POU6F2: variants seen among roughly 807,000 people sequenced by gnomAD.
POU6F2 encodes POU domain, class 6, transcription factor 2.
POU6F2 carries 31 observed loss-of-function variants against 71.3 expected under a neutral mutation model. The ratio of observed to expected loss-of-function variants is 0.43; its 90% confidence interval spans 0.33 to 0.59. POU6F2 has a LOEUF of 0.59. POU6F2 is among the 20% of genes least tolerant of loss of function. The pLI, the probability that POU6F2 is intolerant of heterozygous loss-of-function variation, is 0.04. For synonymous variants in POU6F2, 347 were observed against 355.7 expected (o/e 0.98, Z 0.27); for missense variants, 783 against 856.8 (o/e 0.91, Z 1.07).
intron 4 of POU6F2, among the ~76,000 whole-genome samples, chr7:39,294,854 C>G (rs1287734401): frequency 6.6e-6 from 1 of 152,120 alleles, no homozygotes; most frequent in Non-Finnish European, 1.5e-5. Flanking sequence ...GGGAAGACCT[C>G]TTATGGGATG....
At chr7:39,147,716 A>G (rs1181084832) in intron 2 of POU6F2, among the ~76,000 whole-genome samples, 1 of 152,198 alleles carries the variant, frequency 6.6e-6, no homozygotes. Flanking sequence ...GGAACATGGG[A>G]TGCTCTGGAA....
chr7:39,304,494 T>G (rs1785014341), intron 4 of POU6F2, among the ~76,000 whole-genome samples: 1 of 152,052 alleles, frequency 6.6e-6, no homozygotes, highest in South Asian at 2.1e-4. Context: ...TCCAAAATCC[T>G]GACCCCAAAT....
intron 4 of POU6F2, among the ~76,000 whole-genome samples, chr7:39,311,407 T>A (rs1360198245): frequency 6.6e-6 from 1 of 152,196 alleles, no homozygotes; most frequent in Non-Finnish European, 1.5e-5. Context: ...ATCACCTTTT[T>A]ACACATTATA....
intron 2 of POU6F2, among the ~76,000 whole-genome samples, chr7:39,179,322 G>A (rs1272575247): frequency 6.6e-6 from 1 of 152,202 alleles, no homozygotes; most frequent in Non-Finnish European, 1.5e-5. Context: ...TAGTGGCTTA[G>A]GCAAAGTTAC....
chr7:39,228,544 C>T (rs912243187), intron 4 of POU6F2, among the ~76,000 whole-genome samples: 4 of 152,190 alleles, frequency 2.6e-5, no homozygotes, highest in Admixed American at 1.3e-4. Context: ...GAAAAGGTCA[C>T]GGATCTGTCA....
At chr7:39,388,149 C>T (rs78168088) in intron 5 of POU6F2, among the ~76,000 whole-genome samples, 2,914 of 152,104 alleles carry the variant, frequency 0.019, 80 homozygotes, top group East Asian at 0.11. Context: ...TTTTCATGGC[C>T]CAGTGTTTCA....
intron 2 of POU6F2, among the ~76,000 whole-genome samples, chr7:39,110,459 A>G (rs912080626): frequency 6.6e-6 from 1 of 152,016 alleles, no homozygotes; most frequent in Non-Finnish European, 1.5e-5. Flanking sequence ...ATGATGTGCT[A>G]TTATATGTCT....
At chr7:39,189,549 C>G (rs943568753) in intron 2 of POU6F2, among the ~76,000 whole-genome samples, 1 of 152,016 alleles carries the variant, frequency 6.6e-6, no homozygotes, top group African/African-American at 2.4e-5. Context: ...CAGGCACGTG[C>G]CACCACGCCC....
intron 2 of POU6F2, among the ~76,000 whole-genome samples, chr7:39,146,343 G>A (rs1444664956): frequency 6.6e-6 from 1 of 152,186 alleles, no homozygotes; most frequent in Non-Finnish European, 1.5e-5. Context: ...CTGAGGGCAG[G>A]AAGGCAGAGG....
chr7:39,239,888 C>A (rs1783690880), intron 4 of POU6F2, among the ~76,000 whole-genome samples: 1 of 152,056 alleles, frequency 6.6e-6, no homozygotes, highest in African/African-American at 2.4e-5. Flanking sequence ...AAAACTGTGG[C>A]TTCATAAAGG....
chr7:39,139,211 T>C (rs1470824819), intron 2 of POU6F2, among the ~76,000 whole-genome samples: 1 of 152,184 alleles, frequency 6.6e-6, no homozygotes, highest in Non-Finnish European at 1.5e-5. Context: ...CTGATAGAAA[T>C]GTAATAGTTT....
intron 2 of POU6F2, among the ~76,000 whole-genome samples, chr7:39,138,817 G>A (rs751215653): frequency 6.6e-6 from 1 of 152,064 alleles, no homozygotes; most frequent in African/African-American, 2.4e-5. Context: ...CTGGTCCCTG[G>A]GATTGCTGAT....
At chr7:39,073,094 C>G (rs1023521276) in intron 1 of POU6F2, among the ~76,000 whole-genome samples, 4 of 152,100 alleles carry the variant, frequency 2.6e-5, no homozygotes, top group African/African-American at 9.7e-5. Flanking sequence ...TAGCACAACA[C>G]CTGGTACTGA....
chr7:39,313,920 G>A (rs914835739), intron 4 of POU6F2, among the ~76,000 whole-genome samples: 4 of 152,144 alleles, frequency 2.6e-5, no homozygotes, highest in South Asian at 2.1e-4. Flanking sequence ...AAAAGATGCC[G>A]GATGTTTGCT....
chr7:39,342,963 AC>A (rs1300754913), intron 5 of POU6F2, among the ~76,000 whole-genome samples: 1 of 152,182 alleles, frequency 6.6e-6, no homozygotes, highest in East Asian at 1.9e-4. Flanking sequence ...AATTTTGATC[AC>A]TCAGCATTAT....
At chr7:39,158,791 T>A (rs146148919) in intron 2 of POU6F2, among the ~76,000 whole-genome samples, 193 of 152,300 alleles carry the variant, frequency 1.3e-3, no homozygotes, top group African/African-American at 4.5e-3. Context: ...CCGTCTTTTC[T>A]GGAAACACCC....
chr7:39,097,904 T>C (rs1022371259), intron 2 of POU6F2, among the ~76,000 whole-genome samples: 2 of 152,238 alleles, frequency 1.3e-5, no homozygotes, highest in Non-Finnish European at 2.9e-5. Flanking sequence ...TTCGAAACCA[T>C]ACTTTTCAAG....
chr7:39,133,994 C>T (rs928112573), intron 2 of POU6F2, among the ~76,000 whole-genome samples: 2 of 152,136 alleles, frequency 1.3e-5, no homozygotes, highest in African/African-American at 4.8e-5. Context: ...CCCACCTCAG[C>T]CTCCTGAGTA....
At chr7:39,251,763 A>C (rs1230472843) in intron 4 of POU6F2, among the ~76,000 whole-genome samples, 1 of 152,270 alleles carries the variant, frequency 6.6e-6, no homozygotes, top group Non-Finnish European at 1.5e-5. Context: ...TTGGACATGC[A>C]CTAAGATTAC....
Sources: allele counts gnomAD v4.1 joint callset (sites outside exome capture counted in the v4.1 genomes callset), GRCh38; gene constraint gnomAD v4.1.1; transcripts MANE v1.5; gene names NCBI Gene and HGNC (gene_info 2026-07-23, HGNC 2026-07-21).